The following AADAT variants were observed in gnomAD, a reference collection of about 807,000 sequenced individuals.
AADAT encodes the protein aminoadipate aminotransferase.
Under a neutral mutation model 56.2 loss-of-function variants are expected in AADAT, and 25 were observed. The observed-to-expected ratio is 0.44, with a 90% CI of 0.32 to 0.62. The LOEUF is 0.62. AADAT is among the 20% of genes least tolerant of loss of function. The pLI, the probability that AADAT is intolerant of heterozygous loss-of-function variation, is 0.04. For missense variants in AADAT, 387 were observed against 510.5 expected (o/e 0.76, Z 2.33); for synonymous variants, 173 against 164.7 (o/e 1.05, Z -0.39).
intron 4 of AADAT, 65 bp downstream of exon 4, chr4:170,078,444 C>T: frequency 5.5e-6 from 5 of 904,556 alleles, no homozygotes; most frequent in East Asian, 2.7e-5. Context: ...ATTATAAAAC[C>T]TTTATTATAA....
intron 1 of AADAT, chr4:170,089,144 G>A (rs1485771355): frequency 2.8e-5 from 7 of 253,930 alleles, no homozygotes. Context: ...GAATGAAGGT[G>A]ACCAAAGAGA....
chr4:170,062,052 T>C, intron 11 of AADAT, 59 bp from the exon 12 acceptor site: 3 of 1,160,294 alleles, frequency 2.6e-6, no homozygotes, highest in Admixed American at 2.0e-5. Context: ...AAAGATAATA[T>C]AGTTAAGCCT....
intron 3 of AADAT, among the ~76,000 whole-genome samples, chr4:170,080,255 G>T (rs62344720): frequency 0.028 from 4,249 of 152,214 alleles, 215 homozygotes; most frequent in East Asian, 0.19. Flanking sequence ...AAAAAACTCT[G>T]AACAGATGGT....
At chr4:170,092,127 A>C (rs766374976), upstream of AADAT, among the ~76,000 whole-genome samples, 7 of 152,236 alleles carry the variant, frequency 4.6e-5, no homozygotes, top group African/African-American at 7.2e-5. Flanking sequence ...GGATGGGGCC[A>C]GATAAGAGAA....
chr4:170,085,580 T>C (rs188138808), intron 3 of AADAT, among the ~76,000 whole-genome samples: 54 of 152,332 alleles, frequency 3.5e-4, no homozygotes, highest in African/African-American at 1.2e-3. Context: ...GGTGTTGTGA[T>C]GGATAAAGAA....
At chr4:170,092,193 T>C (rs150675438), upstream of AADAT, among the ~76,000 whole-genome samples, 667 of 152,346 alleles carry the variant, frequency 4.4e-3, 3 homozygotes, top group African/African-American at 0.015. Context: ...TTTTGCAGCG[T>C]GTGGTGGTTT....
intron 1 of AADAT, among the ~76,000 whole-genome samples, chr4:170,088,936 ATGGT>A (rs148273327): frequency 0.1 from 15,715 of 152,190 alleles, 896 homozygotes; most frequent in African/African-American, 0.14. Context: ...GGCTCTCACC[ATGGT>A]GACACAGAAG....
intron 6 of AADAT, 48 bp downstream of exon 6, chr4:170,070,539 A>G (rs757700874): frequency 6.9e-7 from 1 of 1,452,308 alleles, no homozygotes; most frequent in Non-Finnish European, 9.6e-7. Flanking sequence ...GCAGTAACTT[A>G]AAACAACTTA....
At chr4:170,092,845 T>C (rs1037819007), upstream of AADAT, among the ~76,000 whole-genome samples, 4 of 152,254 alleles carry the variant, frequency 2.6e-5, no homozygotes, top group Non-Finnish European at 5.9e-5. Flanking sequence ...TAAGCAAACC[T>C]TAAGGCCTCA....
intron 4 of AADAT, among the ~76,000 whole-genome samples, chr4:170,077,858 G>A (rs925580633): frequency 2.6e-5 from 4 of 152,132 alleles, no homozygotes; most frequent in African/African-American, 9.7e-5. Flanking sequence ...TTTTCTTTCT[G>A]GGGAAAATAG....
upstream of AADAT, among the ~76,000 whole-genome samples, chr4:170,093,082 T>A (rs907767848): frequency 2.0e-5 from 3 of 152,192 alleles, no homozygotes; most frequent in African/African-American, 7.2e-5. Context: ...AAGGCTTTTT[T>A]TTGATAGGGG....
intron 3 of AADAT, among the ~76,000 whole-genome samples, chr4:170,079,857 G>C (rs1732205032): frequency 6.6e-6 from 1 of 152,174 alleles, no homozygotes; most frequent in Non-Finnish European, 1.5e-5. Context: ...GGATTTGGAA[G>C]GAGCCTGGAA....
intron 2 of AADAT, 87 bp from the exon 3 acceptor site, chr4:170,087,335 C>T: frequency 7.6e-7 from 1 of 1,309,352 alleles, no homozygotes; most frequent in Non-Finnish European, 1.1e-6. Context: ...ACAGCTTTAT[C>T]AAGCACTTTG....
intron 12 of AADAT, 101 bp downstream of exon 12, chr4:170,061,791 C>T: frequency 2.6e-6 from 2 of 780,546 alleles, no homozygotes; most frequent in Non-Finnish European, 3.8e-6. Flanking sequence ...TTTAGAAACC[C>T]AAACAGATAT....
chr4:170,073,093 A>T (rs779372582), intron 5 of AADAT, 43 bp downstream of exon 5: 1 of 1,584,468 alleles, frequency 6.3e-7, no homozygotes, highest in Non-Finnish European at 8.6e-7. Context: ...AAAGTCACAG[A>T]GAAACAGGAA....
In AADAT at chr4:170,078,692, T is replaced by C; in HGVS notation, c.370-109A>G. Reference sequence around the variant, plus strand: ...GCTCACATGGTTCTAGAGTAAGAATTAGCAAATTGTTTATAAGGGGCCAAA... The same window carrying C: ...GCTCACATGGTTCTAGAGTAAGAATCAGCAAATTGTTTATAAGGGGCCAAA... On this transcript the variant is annotated intron_variant, in intron 3 of 12. Transcript: ENST00000337664. 3 of 640,168 alleles carry C rather than the reference T, an allele frequency of 4.7e-6. No homozygotes were observed. In the South Asian group the frequency reaches 8.4e-5, roughly 18 times the overall value. The allele number at this position is 640,168 out of a possible 1,614,324, so 39.7% of individuals were successfully genotyped here.
At chr4:170,071,671 T>C (rs1309961228) in intron 5 of AADAT, among the ~76,000 whole-genome samples, 1 of 151,542 alleles carries the variant, frequency 6.6e-6, no homozygotes, top group East Asian at 1.9e-4. Context: ...GTGTGAAGAG[T>C]GTGACTGGTT....
intron 3 of AADAT, among the ~76,000 whole-genome samples, chr4:170,084,931 C>G (rs186383862): frequency 3.3e-4 from 51 of 152,298 alleles, no homozygotes; most frequent in Admixed American, 3.1e-3. Flanking sequence ...CTTACACGCA[C>G]AGTTTCTTCT....
At chr4:170,062,231 A>C (rs1045196398) in intron 11 of AADAT, among the ~76,000 whole-genome samples, 20 of 152,344 alleles carry the variant, frequency 1.3e-4, no homozygotes, top group African/African-American at 4.8e-4. Context: ...CTCTTCTCAA[A>C]ACATCAGGAA....
Sources: allele counts gnomAD v4.1 joint callset (sites outside exome capture counted in the v4.1 genomes callset), GRCh38; gene constraint gnomAD v4.1.1; transcripts MANE v1.5; gene names NCBI Gene and HGNC (gene_info 2026-07-23, HGNC 2026-07-21).